Variants in CARD10 observed in about 807,000 individuals in gnomAD.
CARD10 encodes the protein caspase recruitment domain-containing protein 10.
Under a neutral mutation model 114.6 loss-of-function variants are expected in CARD10, and 49 were observed. That is an observed-to-expected ratio of 0.43 (90% CI 0.34 to 0.54). CARD10 has a LOEUF of 0.54. Ranked by LOEUF, CARD10 falls within the 20% of genes least tolerant of loss-of-function variation. The pLI is 0.03. For synonymous variants in CARD10, 602 were observed against 593.2 expected, an observed-to-expected ratio of 1.01 and a Z score of -0.21; for missense variants, 1,206 against 1,397.2, an observed-to-expected ratio of 0.86 and a Z score of 2.18.
chr22:37,511,292 A>T (rs1384302181), intron 3 of CARD10, among the ~76,000 whole-genome samples: 1 of 142,184 alleles, frequency 7.0e-6, no homozygotes, highest in Non-Finnish European at 1.5e-5. Flanking sequence ...TGGGAGGTTG[A>T]GGCTGCAGTG....
Position 37,518,988 on chromosome 22 carries a change from G to A in CARD10, c.213C>T (p.Phe71=), listed in dbSNP as rs1421316562. ...CACCGGTGCGGTTGACGCGGCACGGGAAGCGGTAGGTGCTCAGCACCTCCT... is the reference window on the plus strand; with the variant it reads ...CACCGGTGCGGTTGACGCGGCACGGAAAGCGGTAGGTGCTCAGCACCTCCT... ...DEEEVLSTYR[F]PCRVNRTGRL... Residue 71 remains phenylalanine (F), a synonymous_variant, in exon 1 of 20, where the codon TTC becomes TTT. Transcript: ENST00000251973. The A allele has an allele frequency of 1.9e-6, 3 of 1,559,098 alleles. No homozygotes were observed. In the African/African-American group the frequency reaches 4.1e-5, roughly 21 times the overall value.
At chr22:37,510,677 C>T (rs1274581103) in intron 3 of CARD10, 5 of 498,838 alleles carry the variant, frequency 1.0e-5, no homozygotes, top group Admixed American at 3.5e-5. Context: ...AACTTGTGGG[C>T]GGACATGCTG....
chr22:37,504,692 TC>T lies in CARD10; in HGVS notation c.1460del (p.Gly487GlufsTer71). 1.3e-6 allele frequency: 2 copies of T among 1,578,760 alleles called. No individual in the cohort carries two copies. Among genetic ancestry groups the T allele is most frequent in the Non-Finnish European group, 1.7e-6 (2 of 1,163,804 alleles). On this transcript the variant is annotated frameshift_variant, in exon 8 of 20. Transcript: ENST00000251973. LOFTEE classifies it high-confidence loss of function. ...WSLSEFPSPL[G>X]GPEATGEAAV... is the part of the protein sequence containing the mutation. Reference sequence around the variant, plus strand: ...CTGCCTCCCCAGTTGCTTCTGGGCCTCCCAGAGGGGAGGGGAACTCGCTCAG... The same window carrying T: ...CTGCCTCCCCAGTTGCTTCTGGGCCTCCAGAGGGGAGGGGAACTCGCTCAG...
chr22:37,508,887 G>A, intron 4 of CARD10: 1 of 1,278,382 alleles, frequency 7.8e-7, no homozygotes, highest in Non-Finnish European at 1.1e-6. Context: ...ACCCTCCAGG[G>A]AGTATCTGGG....
At chr22:37,502,380 A>G (rs1923245533) in intron 11 of CARD10, among the ~76,000 whole-genome samples, 1 of 152,212 alleles carries the variant, frequency 6.6e-6, no homozygotes, top group Non-Finnish European at 1.5e-5. Context: ...CCCTTTAGCT[A>G]CTGAGGAAAT....
rs550505544 is a variant in CARD10, at chr22:37,492,588, T to C, written c.2636-38A>G. The C allele has an allele frequency of 1.9e-6, 3 of 1,605,596 alleles. No homozygotes were observed. The highest frequency in any genetic ancestry group is 2.7e-5 in the African/African-American group (2 of 74,920). ...TGGAGAGGGAGAGATGAAGGATCCA[T>C]GGGCCCGGCTGCCCAGAGGGGCACC... On this transcript the variant is annotated intron_variant, in intron 17 of 19. Transcript: ENST00000251973. The surrounding 1 kb of genome is among the most constrained non-coding windows in gnomAD (Gnocchi z 5.7).
At chr22:37,504,949 C>G (rs1923354759) in intron 7 of CARD10, among the ~76,000 whole-genome samples, 180 bp from the exon 8 acceptor site, 3 of 152,194 alleles carry the variant, frequency 2.0e-5, no homozygotes, top group Admixed American at 2.0e-4. Context: ...TAGCCCCAAG[C>G]TGAGACAATA....
intron 11 of CARD10, among the ~76,000 whole-genome samples, chr22:37,497,761 G>A (rs562879568): frequency 8.6e-5 from 13 of 152,026 alleles, no homozygotes; most frequent in African/African-American, 2.9e-4. Flanking sequence ...CTACTTGGGA[G>A]GAGAATTGCT....
In CARD10 at chr22:37,492,612, C is replaced by T. The variant is rs1218804407; in HGVS notation, c.2635+32G>A. On this transcript the variant is annotated intron_variant, in intron 17 of 19. Coordinates refer to ENST00000251973, the MANE Select transcript of CARD10 (RefSeq NM_014550.4). The surrounding 1 kb of genome is among the most constrained non-coding windows in gnomAD (Gnocchi z 5.7). ...ATGGGCCCGGCTGCCCAGAGGGGCACCCAGCCTCCCCTCCCCGGCACATAG... is the reference window on the plus strand; with the variant it reads ...ATGGGCCCGGCTGCCCAGAGGGGCATCCAGCCTCCCCTCCCCGGCACATAG... The T allele has an allele frequency of 2.5e-6, 4 of 1,609,942 alleles. No homozygotes were observed. Among genetic ancestry groups the T allele is most frequent in the East Asian group, 4.5e-5 (2 of 44,804 alleles).
At chr22:37,500,777 A>C (rs1254867983) in intron 11 of CARD10, among the ~76,000 whole-genome samples, 3 of 152,232 alleles carry the variant, frequency 2.0e-5, no homozygotes, top group Admixed American at 6.5e-5. Context: ...CGAGGTTAAA[A>C]TTCCAGCCTT....
chr22:37,495,691 G>A (rs1922978284), intron 14 of CARD10, 69 bp downstream of exon 14: 3 of 1,610,566 alleles, frequency 1.9e-6, no homozygotes, highest in Non-Finnish European at 2.5e-6. Context: ...TGCAGGTGGA[G>A]GGAGAGCACC....
chr22:37,508,270 T>C (rs1009285132), intron 5 of CARD10, among the ~76,000 whole-genome samples: 16 of 152,172 alleles, frequency 1.1e-4, no homozygotes, highest in African/African-American at 2.4e-5. Flanking sequence ...CTACATGAAA[T>C]AGCTGACGTG....
In CARD10 at chr22:37,491,115, G is replaced by T; in HGVS notation, c.*44C>A. On this transcript the variant is annotated 3_prime_UTR_variant, in exon 20 of 20. Transcript: ENST00000251973. The stretch of plus-strand genomic sequence containing the variant: ...GGCCCAGCTTCACCATAGACACCAG[G>T]GTCCACGCTGGCTTGGGGAGAAGGT... 6.9e-7 allele frequency: 1 copy of T among 1,450,134 alleles called. No homozygotes were observed. The highest frequency in any genetic ancestry group is 1.2e-5 in the South Asian group (1 of 81,722). The allele number at this position is 1,450,134 out of a possible 1,614,324, so 89.8% of individuals were successfully genotyped here. A position where few individuals can be genotyped will look rare whatever the true frequency, so the allele number is the denominator to read the frequency against.
chr22:37,508,987 C>G, intron 4 of CARD10: 4 of 1,549,002 alleles, frequency 2.6e-6, no homozygotes, highest in Non-Finnish European at 3.5e-6. Context: ...GGCACACACT[C>G]GTGCTCTGGC....
rs780089353 is a variant in CARD10 at position 37,497,190 on chromosome 22, G to A, written c.1788-12C>T. The A allele has an allele frequency of 2.5e-6, 4 of 1,605,702 alleles. No individual in the cohort carries two copies. The highest frequency in any genetic ancestry group is 2.7e-5 in the African/African-American group (2 of 74,480). The stretch of plus-strand genomic sequence containing the variant: ...GAATAGCCAGAGACCTGAGAAGGGA[G>A]AAAGGAGATGAGAATTGGAGTCCAA... On this transcript the variant is annotated splice_polypyrimidine_tract_variant and intron_variant, in intron 11 of 19. Coordinates refer to ENST00000251973, the MANE Select transcript of CARD10 (RefSeq NM_014550.4).
chr22:37,506,433 G>C (rs1240901858), intron 6 of CARD10, 50 bp from the exon 7 acceptor site: 8 of 1,419,152 alleles, frequency 5.6e-6, no homozygotes, highest in Admixed American at 2.1e-5. Flanking sequence ...CCTTGGCCCA[G>C]CTTTCCTGGC....
At chr22:37,505,583 C>T (rs933597231) in intron 7 of CARD10, among the ~76,000 whole-genome samples, 2 of 148,540 alleles carry the variant, frequency 1.3e-5, no homozygotes, top group African/African-American at 2.5e-5. Context: ...GGCTAAGGCA[C>T]GAGAATAACT....
In CARD10 at chr22:37,519,146, C is replaced by A. The variant is rs748870562; in HGVS notation, c.55G>T (p.Gly19Trp). Residue 19 changes from glycine to tryptophan, a missense_variant, in exon 1 of 20, where the codon GGG becomes TGG. By Grantham distance (184) the Gly-to-Trp change is radical. Coordinates refer to ENST00000251973, the MANE Select transcript of CARD10 (RefSeq NM_014550.4). The surrounding 1 kb of genome is among the most constrained non-coding windows in gnomAD (Gnocchi z 4.1). ...EAEEEAGAGS[G>W]SEAEEDALWE... The stretch of plus-strand genomic sequence containing the variant: ...AGCGCGTCCTCCTCCGCCTCAGACC[C>A]CGAGCCGGCCCCGGCCTCCTCCTCG... 6.5e-7 allele frequency: 1 copy of A among 1,546,982 alleles called. No homozygotes were observed.
chr22:37,512,456 G>A (rs12166964), intron 3 of CARD10, among the ~76,000 whole-genome samples: 2 of 134,928 alleles, frequency 1.5e-5, no homozygotes, highest in African/African-American at 2.8e-5. Flanking sequence ...TAGAATGGCA[G>A]CCCCCCCTCC....
Sources: gnomAD v4.1 joint callset for allele counts (sites outside exome capture counted in the v4.1 genomes callset) on GRCh38, gnomAD v4.1.1 for gene constraint, Gnocchi (gnomAD v3.1) non-coding constraint, MANE v1.5 for transcripts, NCBI Gene and HGNC (gene_info 2026-07-23, HGNC 2026-07-21) for gene names.